Variants in CENPP observed in about 807,000 individuals in gnomAD.
CENPP encodes centromere protein P.
Under a neutral mutation model 35.6 loss-of-function variants are expected in CENPP, and 24 were observed. That is an observed-to-expected ratio of 0.67 (90% confidence interval 0.49 to 0.95). The LOEUF is 0.95. Ranked by LOEUF, CENPP falls within the 40% of genes least tolerant of loss-of-function variation. The probability of loss-of-function intolerance (pLI) is 0.00; values close to 1 mark genes in which losing one functional copy is unlikely to be tolerated. For synonymous variants in CENPP, 120 were observed against 125.5 expected (o/e 0.96, Z 0.29); for missense variants, 332 against 345.3 (o/e 0.96, Z 0.31).
chr9:92,581,529 C>T (rs903076759), intron 5 of CENPP, among the ~76,000 whole-genome samples: 9 of 152,112 alleles, frequency 5.9e-5, no homozygotes, highest in African/African-American at 2.2e-4. Context: ...GCAATGGAAA[C>T]CAGGAAGCAG....
rs1845717823 is a variant in CENPP, at chr9:92,476,479, C to T, written c.564+96620C>T. 6.6e-6 allele frequency among the ~76,000 whole-genome samples: 1 copy of T among 152,162 alleles called. No individual in the cohort carries two copies. The highest frequency in any genetic ancestry group is 6.5e-5 in the Admixed American group (1 of 15,280). On this transcript the variant is annotated intron_variant, in intron 5 of 7. Transcript: ENST00000375587. The surrounding 1 kb of genome is among the most constrained non-coding windows in gnomAD (Gnocchi z 4.1). ...CTGATAATTACTTTATTTAATTTCTCATATGCTCCAAAAATCTAAATGGTG... is the reference window on the plus strand; with the variant it reads ...CTGATAATTACTTTATTTAATTTCTTATATGCTCCAAAAATCTAAATGGTG...
chr9:92,392,988 C>G, intron 5 of CENPP: 2 of 929,630 alleles, frequency 2.2e-6, no homozygotes, highest in South Asian at 2.0e-5. Flanking sequence ...AAGTGACAAA[C>G]CTGAATGTGA....
Position 92,327,022 on chromosome 9 carries a change from A to G in CENPP, c.107+917A>G, listed in dbSNP as rs532406933. 3.9e-5 allele frequency among the ~76,000 whole-genome samples: 6 copies of G among 152,296 alleles called. No homozygotes were observed. The South Asian group carries it at 1.2e-3, about 32-fold the overall frequency. On this transcript the variant is annotated intron_variant, in intron 1 of 7. Transcript: ENST00000375587. ...GAGGAAAAAGGTGTGCTCCTCCACA[A>G]ATGAGAGTAAATGTATTAAAGACCC...
At chr9:92,506,535 G>A (rs895187243) in intron 5 of CENPP, among the ~76,000 whole-genome samples, 6 of 152,138 alleles carry the variant, frequency 3.9e-5, no homozygotes, top group African/African-American at 1.4e-4. Flanking sequence ...CCCAGATTAG[G>A]GGATGTTTTC....
intron 5 of CENPP, among the ~76,000 whole-genome samples, chr9:92,483,797 C>T (rs1212014122): frequency 6.6e-6 from 1 of 152,162 alleles, no homozygotes; most frequent in Non-Finnish European, 1.5e-5. Context: ...TGTTCATCCT[C>T]CCCTCACTTA....
intron 5 of CENPP, among the ~76,000 whole-genome samples, chr9:92,460,058 T>C (rs1267006132): frequency 8.8e-6 from 1 of 113,626 alleles, no homozygotes; most frequent in East Asian, 2.4e-4. Context: ...CGGTGGTTCT[T>C]TTTTTTTTTT....
intron 5 of CENPP, among the ~76,000 whole-genome samples, chr9:92,594,356 C>T (rs551301783): frequency 2.6e-5 from 4 of 152,146 alleles, no homozygotes; most frequent in Non-Finnish European, 4.4e-5. Context: ...GAGCAGGTGG[C>T]CCAGCTGCTG....
chr9:92,560,371 T>A (rs1328799654), intron 5 of CENPP, among the ~76,000 whole-genome samples: 1 of 152,134 alleles, frequency 6.6e-6, no homozygotes, highest in Non-Finnish European at 1.5e-5. Flanking sequence ...CATCATGAAG[T>A]TTGCCATCTA....
intron 5 of CENPP, chr9:92,502,804 CTTT>C (rs34408968): frequency 0.056 from 16,322 of 290,656 alleles, 2 homozygotes; most frequent in Middle Eastern, 0.096. Flanking sequence ...TTTAAGTTGT[CTTT>C]TTTTTTTTTT....
intron 2 of CENPP, among the ~76,000 whole-genome samples, chr9:92,335,563 T>C (rs886688149): frequency 6.6e-6 from 1 of 152,096 alleles, no homozygotes; most frequent in Non-Finnish European, 1.5e-5. Context: ...GTGAAAGGTA[T>C]AGTCAGTGTC....
At chr9:92,597,766 A>G (rs1322359823) in intron 5 of CENPP, among the ~76,000 whole-genome samples, 1 of 152,368 alleles carries the variant, frequency 6.6e-6, no homozygotes, top group Non-Finnish European at 1.5e-5. Context: ...AAATTACTAC[A>G]TGATTAACTT....
At chr9:92,586,601 T>A (rs140798499) in intron 5 of CENPP, among the ~76,000 whole-genome samples, 1 of 152,072 alleles carries the variant, frequency 6.6e-6, no homozygotes, top group African/African-American at 2.4e-5. Flanking sequence ...AAGTAAGGGG[T>A]GAGGGCTAAG....
chr9:92,365,902 T>C (rs1841875601), intron 4 of CENPP, among the ~76,000 whole-genome samples: 1 of 151,568 alleles, frequency 6.6e-6, no homozygotes, highest in African/African-American at 2.4e-5. Flanking sequence ...CAGGGTTCGC[T>C]GGGCATGGTG....
At chr9:92,501,427 G>C (rs1846669980) in intron 5 of CENPP, among the ~76,000 whole-genome samples, 1 of 152,218 alleles carries the variant, frequency 6.6e-6, no homozygotes, top group Non-Finnish European at 1.5e-5. Context: ...ATGCCTATCT[G>C]TAAAGTTGTC....
chr9:92,488,136 CAG>C (rs1289164887), intron 5 of CENPP, among the ~76,000 whole-genome samples: 6 of 152,282 alleles, frequency 3.9e-5, no homozygotes, highest in African/African-American at 1.4e-4. Flanking sequence ...GTGGGTTTAT[CAG>C]GGTGTAACCC....
intron 5 of CENPP, among the ~76,000 whole-genome samples, chr9:92,419,030 C>T (rs1044815525): frequency 2.6e-5 from 4 of 152,120 alleles, no homozygotes; most frequent in Admixed American, 6.5e-5. Context: ...TGTTTAAAGT[C>T]TTGTGGAGAA....
chr9:92,534,018 G>A (rs1282344422), intron 5 of CENPP, among the ~76,000 whole-genome samples: 1 of 152,002 alleles, frequency 6.6e-6, no homozygotes, highest in African/African-American at 2.4e-5. Flanking sequence ...GCTGTTTAAT[G>A]TATCCTTCTT....
intron 5 of CENPP, among the ~76,000 whole-genome samples, chr9:92,516,403 C>T (rs1184342110): frequency 6.6e-6 from 1 of 152,134 alleles, no homozygotes; most frequent in Non-Finnish European, 1.5e-5. Context: ...TAAAAATTTA[C>T]TTAATCATCT....
rs556271300 is a variant in CENPP, at chr9:92,618,116, C to T, written c.*4967C>T. On this transcript the variant is annotated 3_prime_UTR_variant, in exon 8 of 8. Coordinates refer to ENST00000375587, the MANE Select transcript of CENPP (RefSeq NM_001012267.3). ...TACTGGAACTTCACAGGTGCGGCCA[C>T]TGCGCACACCTTCCTGGAAGCAGGC... The T allele has an allele frequency of 1.5e-3, 591 of 403,234 alleles. 3 individuals are homozygous for T. Among genetic ancestry groups the T allele is most frequent in the South Asian group, 1.0e-2 (575 of 57,636 alleles). 25.0% of individuals were successfully genotyped at this position (403,234 alleles called of 1,614,324 possible). A position where few individuals can be genotyped will look rare whatever the true frequency, so the allele number is the denominator to read the frequency against.
Sources: allele counts gnomAD v4.1 joint callset (sites outside exome capture counted in the v4.1 genomes callset), GRCh38; gene constraint gnomAD v4.1.1; non-coding constraint Gnocchi (gnomAD v3.1); transcripts MANE v1.5; gene names NCBI Gene and HGNC (gene_info 2026-07-23, HGNC 2026-07-21).